AGL: variants seen among roughly 807,000 people sequenced by gnomAD.
The protein encoded by AGL is glycogen debranching enzyme.
AGL carries 128 observed loss-of-function variants against 199.3 expected under a neutral mutation model. The observed-to-expected ratio is 0.64, with a 90% CI of 0.56 to 0.74. AGL has a LOEUF of 0.74. Among genes scored for constraint, AGL ranks in the 30% least tolerant of loss-of-function variants. The pLI is 0.00. For synonymous variants in AGL, 584 were observed against 594.7 expected, an observed-to-expected ratio of 0.98 and a Z score of 0.26; for missense variants, 1,809 against 1,820.8, an observed-to-expected ratio of 0.99 and a Z score of 0.12.
intron 6 of AGL, 56 bp from the exon 7 acceptor site, chr1:99,870,702 C>A: frequency 7.0e-7 from 1 of 1,431,270 alleles, no homozygotes; most frequent in Non-Finnish European, 9.8e-7. Flanking sequence ...ATTTGCTTAA[C>A]TGATTTTAAA....
At chr1:99,869,751 A>AATT (rs1226597744) in intron 5 of AGL, among the ~76,000 whole-genome samples, 3 of 152,220 alleles carry the variant, frequency 2.0e-5, no homozygotes, top group Non-Finnish European at 4.4e-5. Flanking sequence ...ATTCAGGGAT[A>AATT]ATTATTAGTC....
At chr1:99,862,462 TAAATG>T (rs1650132576) in intron 4 of AGL, 39 bp downstream of exon 4, 26 of 1,599,264 alleles carry the variant, frequency 1.6e-5, no homozygotes, top group Non-Finnish European at 2.2e-5. Context: ...TTTAAAAAAA[TAAATG>T]TAATTATCCT....
chr1:99,919,752 A>G (rs763260902), intron 33 of AGL, among the ~76,000 whole-genome samples: 1 of 152,092 alleles, frequency 6.6e-6, no homozygotes, highest in South Asian at 2.1e-4. Context: ...TACTTCCCAC[A>G]TTGGGCCATC....
intron 30 of AGL, among the ~76,000 whole-genome samples, chr1:99,914,386 G>A (rs570481806): frequency 9.3e-4 from 141 of 152,246 alleles, no homozygotes; most frequent in African/African-American, 3.2e-3. Flanking sequence ...CAGTTTGTCC[G>A]GCAAAGAATT....
rs5776495 is a variant in AGL at position 99,871,410 on chromosome 1, G to GC, written c.958+554dup. On this transcript the variant is annotated intron_variant, in intron 7 of 33. Coordinates refer to ENST00000361915, the MANE Select transcript of AGL (RefSeq NM_000642.3). Reference sequence around the variant, plus strand: ...ACATAACTAATCAAGCAGTTAATGTGCCCCCCCCCCCCCAACAAAATAGGG... The same window carrying GC: ...ACATAACTAATCAAGCAGTTAATGTGCCCCCCCCCCCCCCAACAAAATAGGG... 9.6e-3 allele frequency among the ~76,000 whole-genome samples: 1,352 copies of GC among 141,226 alleles called. 15 individuals are homozygous for GC. The highest frequency in any genetic ancestry group is 0.052 in the East Asian group (229 of 4,400). 92.6% of individuals were successfully genotyped at this position (141,226 alleles called of 152,430 possible). A position where few individuals can be genotyped will look rare whatever the true frequency, so the allele number is the denominator to read the frequency against.
At chr1:99,905,996 T>G (rs1654257590) in intron 27 of AGL, among the ~76,000 whole-genome samples, 1 of 152,184 alleles carries the variant, frequency 6.6e-6, no homozygotes, top group Admixed American at 6.5e-5. Flanking sequence ...ATATTTACCA[T>G]TTTACCATAA....
chr1:99,903,768 C>T (rs997759805), intron 27 of AGL, among the ~76,000 whole-genome samples: 1 of 152,172 alleles, frequency 6.6e-6, no homozygotes, highest in African/African-American at 2.4e-5. Flanking sequence ...TAAAAGTGTT[C>T]CTATTTCTCC....
rs1655570640 is a variant in AGL, at chr1:99,922,344, G to C, written c.*693G>C. ...TAAAATTAGTATTGAGTTCTATTGAGTATTATAAGATAGCTTACATTTTCA... is the reference window on the plus strand; with the variant it reads ...TAAAATTAGTATTGAGTTCTATTGACTATTATAAGATAGCTTACATTTTCA... On this transcript the variant is annotated 3_prime_UTR_variant, in exon 34 of 34. Coordinates refer to ENST00000361915, the MANE Select transcript of AGL (RefSeq NM_000642.3). The C allele has an allele frequency of 6.6e-6, 1 of 151,608 alleles. No homozygotes were observed. The highest frequency in any genetic ancestry group is 2.1e-4 in the South Asian group (1 of 4,808). 9.4% of individuals were successfully genotyped at this position (151,608 alleles called of 1,614,324 possible). A position where few individuals can be genotyped will look rare whatever the true frequency, so the allele number is the denominator to read the frequency against.
At position 99,888,965 on chromosome 1, in the gene AGL, ATAGT is replaced by A. The variant is rs1468473377; in HGVS notation, c.2812+862_2812+865del. ...CCTTGAAATATATTGCCTTATTTTG[ATAGT>A]TAGTATAATGATTTTTGTGAATCTT... On this transcript the variant is annotated intron_variant, in intron 21 of 33. Coordinates refer to ENST00000361915, the MANE Select transcript of AGL (RefSeq NM_000642.3). Among the ~76,000 whole-genome samples the A allele has an allele frequency of 5.3e-5, 8 of 152,078 alleles. No homozygotes were observed. The East Asian group carries it at 7.7e-4, about 15-fold the overall frequency.
At position 99,915,358 on chromosome 1, in the gene AGL, A is replaced by C. The variant is rs1473788714; in HGVS notation, c.4162-31A>C. 12 of 1,548,150 alleles carry C rather than the reference A, an allele frequency of 7.8e-6. No homozygotes were observed. In the East Asian group the frequency reaches 2.7e-4, roughly 35 times the overall value. ...GAACTAATTCTTCTGTGATCTTAAA[A>C]ATTTGTATATTTGTTTTTGGCATTC... On this transcript the variant is annotated intron_variant, in intron 30 of 33. Transcript: ENST00000361915.
chr1:99,913,543 C>A lies in AGL; in HGVS notation c.3966C>A (p.Val1322=). 1 of 1,613,402 alleles carries A rather than the reference C, an allele frequency of 6.2e-7. No homozygotes were observed. The highest frequency in any genetic ancestry group is 1.1e-5 in the South Asian group (1 of 91,058). Residue 1322 remains valine, a synonymous_variant, in exon 30 of 34, where the codon GTC becomes GTA. Transcript: ENST00000361915. ...TVKRHGKAIK[V]SYDEWNRKIQ... ...ATTTTTCAGGAAAGGCTATAAAGGT[C>A]TCATATGATGAGTGGAACAGAAAAA...
rs1195069329 is a variant in AGL, at chr1:99,912,466, T to C, written c.3898T>C (p.Leu1300=). The C allele has an allele frequency of 6.2e-7, 1 of 1,613,890 alleles. No homozygotes were observed. The highest frequency in any genetic ancestry group is 2.2e-5 in the East Asian group (1 of 44,860). Reference sequence around the variant, plus strand: ...ATCTGCTGTTCGCTGGTTGCTGGAATTATCCAAAAAAAATATTTTCCCTTA... The same window carrying C: ...ATCTGCTGTTCGCTGGTTGCTGGAACTATCCAAAAAAAATATTTTCCCTTA... ...SKSAVRWLLE[L]SKKNIFPYHE... is the part of the protein sequence containing the mutation. The change falls in exon 29 of 34, where the codon TTA becomes CTA. Residue 1300 remains leucine (L), a synonymous_variant. Coordinates refer to ENST00000361915, the MANE Select transcript of AGL (RefSeq NM_000642.3).
chr1:99,910,966 G>GT, intron 28 of AGL, 119 bp downstream of exon 28: 1 of 1,098,244 alleles, frequency 9.1e-7, no homozygotes, highest in South Asian at 1.4e-5. Flanking sequence ...AAATTTCCCT[G>GT]CCTTCTTCCC....
chr1:99,900,966 C>G (rs1038286199), intron 26 of AGL, 105 bp downstream of exon 26: 125 of 1,069,600 alleles, frequency 1.2e-4, no homozygotes, highest in Non-Finnish European at 1.5e-4. Flanking sequence ...CCAAATCTTA[C>G]GAATTATTCA....
chr1:99,880,895 T>A, intron 14 of AGL, 100 bp downstream of exon 14: 2 of 1,417,690 alleles, frequency 1.4e-6, no homozygotes, highest in Non-Finnish European at 2.0e-6. Flanking sequence ...TTCAAAATAG[T>A]GTCTTAGATT....
intron 26 of AGL, among the ~76,000 whole-genome samples, chr1:99,902,088 T>C (rs993014016): frequency 6.6e-6 from 1 of 152,124 alleles, no homozygotes; most frequent in African/African-American, 2.4e-5. Flanking sequence ...AATAAACATG[T>C]AAGGACTCTA....
chr1:99,851,077 T>A lies in AGL; in HGVS notation c.35T>A (p.Leu12Gln). The A allele has an allele frequency of 6.2e-7, 1 of 1,614,162 alleles. No individual in the cohort carries two copies. The highest frequency in any genetic ancestry group is 1.1e-5 in the South Asian group (1 of 91,088). ...GHSKQIRILL[L>Q]NEMEKLEKTL... is the part of the protein sequence containing the mutation. ...AGTAAACAGATTCGAATTTTACTTC[T>A]GAACGAAATGGAGAAACTGGAAAAG... Residue 12 changes from leucine to glutamine, a missense_variant, in exon 2 of 34, where the codon CTG becomes CAG. Coordinates refer to ENST00000361915, the MANE Select transcript of AGL (RefSeq NM_000642.3).
chr1:99,897,521 G>C (rs1296094075), intron 25 of AGL, among the ~76,000 whole-genome samples: 1 of 152,180 alleles, frequency 6.6e-6, no homozygotes, highest in East Asian at 1.9e-4. Context: ...TAAAACTGAA[G>C]TTTTTAGGTG....
At chr1:99,887,833 G>T in intron 20 of AGL, 145 bp from the exon 21 acceptor site, 9 of 801,572 alleles carry the variant, frequency 1.1e-5, no homozygotes, top group East Asian at 3.0e-5. Context: ...TAAAATGTAT[G>T]AGTATAATGT....
Sources: allele counts gnomAD v4.1 joint callset (sites outside exome capture counted in the v4.1 genomes callset), GRCh38; gene constraint gnomAD v4.1.1; transcripts MANE v1.5; gene names NCBI Gene and HGNC (gene_info 2026-07-23, HGNC 2026-07-21).